GIT2: variants seen among roughly 807,000 people sequenced by gnomAD.
The protein encoded by GIT2 is GIT ArfGAP 2, also known as ARF GTPase-activating protein GIT2.
GIT2 carries 32 observed loss-of-function variants against 100.3 expected under a neutral mutation model. The ratio of observed to expected loss-of-function variants is 0.32; its 90% CI spans 0.24 to 0.43. The LOEUF (loss-of-function observed/expected upper bound fraction) is 0.43. GIT2 is among the 20% of genes least tolerant of loss of function. The pLI is 1.00. For missense variants in GIT2, 737 were observed against 975.1 expected (o/e 0.76, Z 3.25); for synonymous variants, 353 against 364.1 (o/e 0.97, Z 0.35).
intron 7 of GIT2, among the ~76,000 whole-genome samples, chr12:109,979,272 CTTTTT>C (rs11338613): frequency 3.5e-5 from 3 of 85,792 alleles, no homozygotes; most frequent in African/African-American, 4.6e-5. Flanking sequence ...CAGAAAAAGG[CTTTTT>C]TTTTTTTTTT....
At position 109,938,259 on chromosome 12, in the gene GIT2, T is replaced by C. The variant is rs1873606112; in HGVS notation, c.2003+121A>G. ...TTGTTCTTAAGCCTGTTATGTAGACTTGTTTTCAATGACCTTGAAGTCAGC... is the reference window on the plus strand; with the variant it reads ...TTGTTCTTAAGCCTGTTATGTAGACCTGTTTTCAATGACCTTGAAGTCAGC... On this transcript the variant is annotated intron_variant, in intron 18 of 19. Coordinates refer to ENST00000355312, the MANE Select transcript of GIT2 (RefSeq NM_057169.5). The C allele has an allele frequency of 5.9e-6, 4 of 675,268 alleles. No individual in the cohort carries two copies. The Admixed American group carries it at 1.1e-4, about 18-fold the overall frequency. 41.8% of individuals were successfully genotyped at this position (675,268 alleles called of 1,614,324 possible).
chr12:109,965,704 C>G, intron 8 of GIT2, 127 bp from the exon 9 acceptor site: 1 of 788,062 alleles, frequency 1.3e-6, no homozygotes, highest in South Asian at 1.4e-5. Context: ...ACCAAGCATT[C>G]TACAGCCCAG....
At chr12:109,996,067 G>T (rs1889356613) in intron 1 of GIT2, 106 bp downstream of exon 1, 2 of 721,638 alleles carry the variant, frequency 2.8e-6, no homozygotes, top group Admixed American at 7.4e-5. Flanking sequence ...GGACCTCTTC[G>T]TTGCGACCCT....
intron 1 of GIT2, among the ~76,000 whole-genome samples, chr12:109,995,399 T>C (rs1889154777): frequency 6.6e-6 from 1 of 152,222 alleles, no homozygotes; most frequent in African/African-American, 2.4e-5. Flanking sequence ...AGTTCTACTG[T>C]AGACAGCATA....
rs1424458558 is a variant in GIT2, at chr12:109,947,876, A to G, written c.1393-372T>C. 5.5e-6 allele frequency: 1 copy of G among 181,236 alleles called. No homozygotes were observed. Among genetic ancestry groups the G allele is most frequent in the African/African-American group, 2.4e-5 (1 of 42,014 alleles). 11.2% of individuals were successfully genotyped at this position (181,236 alleles called of 1,614,324 possible). A position where few individuals can be genotyped will look rare whatever the true frequency, so the allele number is the denominator to read the frequency against. Reference sequence around the variant, plus strand: ...TTCAAGCAAGAGTTCGAGATCATTAAAACATCATTTAGGTAACTTGCTTTT... The same window carrying G: ...TTCAAGCAAGAGTTCGAGATCATTAGAACATCATTTAGGTAACTTGCTTTT... On this transcript the variant is annotated intron_variant, in intron 14 of 19. Coordinates refer to ENST00000355312, the MANE Select transcript of GIT2 (RefSeq NM_057169.5). The surrounding 1 kb of genome is among the most constrained non-coding windows in gnomAD (Gnocchi z 4.3).
chr12:109,999,799 G>A, upstream of GIT2: 1 of 1,525,458 alleles, frequency 6.6e-7, no homozygotes, highest in African/African-American at 1.4e-5. This position sits in a 1 kb window ranked among gnomAD's most constrained non-coding sequence, Gnocchi z 4.3. Context: ...GGGGCGGGGC[G>A]GGGGTCCGTC....
intron 16 of GIT2, among the ~76,000 whole-genome samples, chr12:109,942,486 G>A (rs1308912626): frequency 6.6e-6 from 1 of 151,834 alleles, no homozygotes; most frequent in East Asian, 1.9e-4. Flanking sequence ...GGCACCCACC[G>A]CCACACCTGG....
chr12:109,939,700 A>AATAT (rs2136173222), intron 16 of GIT2: 1 of 147,012 alleles, frequency 6.8e-6, no homozygotes, highest in East Asian at 2.0e-4. Context: ...TAAATAAATA[A>AATAT]ATAAATAAAT....
In GIT2 at chr12:109,947,203, G is replaced by C. The variant is rs1876580086; in HGVS notation, c.1641+53C>G. ...ACCTGTAGGTTCAGAAGAGGGAACA[G>C]AGTAGACAGGCTGCATAGAGTGAAC... is the stretch of plus-strand genomic sequence containing the variant. On this transcript the variant is annotated intron_variant, in intron 15 of 19. Transcript: ENST00000355312. This position sits in a 1 kb window ranked among gnomAD's most constrained non-coding sequence, Gnocchi z 4.3. The C allele has an allele frequency of 6.4e-7, 1 of 1,560,346 alleles. No individual in the cohort carries two copies. Among genetic ancestry groups the C allele is most frequent in the East Asian group, 2.2e-5 (1 of 44,446 alleles).
intron 13 of GIT2, among the ~76,000 whole-genome samples, 170 bp from the exon 14 acceptor site, chr12:109,951,486 T>C (rs1160423829): frequency 6.6e-6 from 1 of 152,234 alleles, no homozygotes; most frequent in African/African-American, 2.4e-5. Context: ...AGGGTCACTA[T>C]ACTATTTAAA....
Position 109,953,159 on chromosome 12 carries a change from T to C in GIT2, c.1175A>G (p.Tyr392Cys), listed in dbSNP as rs1878400853. The C allele has an allele frequency of 6.2e-7, 1 of 1,614,096 alleles. No individual in the cohort carries two copies. The highest frequency in any genetic ancestry group is 8.5e-7 in the Non-Finnish European group (1 of 1,179,922). ...VESQDNDQPD[Y>C]DSVASDEDTD... Reference sequence around the variant, plus strand: ...GTCTTCGTCTGATGCCACGCTGTCATAGTCGGGCTGATCGTTGTCTTGACT... The same window carrying C: ...GTCTTCGTCTGATGCCACGCTGTCACAGTCGGGCTGATCGTTGTCTTGACT... The change falls in exon 13 of 20, where the codon TAT becomes TGT. Residue 392 changes from tyrosine to cysteine, a missense_variant. Physicochemically the swap from Tyr to Cys is radical, Grantham distance 194 (BLOSUM62 -2). Around this residue, in one of 3 missense-constraint regions of GIT2, gnomAD observed 451 missense variants for 543.7 expected, o/e 0.83. Coordinates refer to ENST00000355312, the MANE Select transcript of GIT2 (RefSeq NM_057169.5).
chr12:109,991,067 C>T (rs535391344), intron 2 of GIT2, among the ~76,000 whole-genome samples: 2 of 152,222 alleles, frequency 1.3e-5, no homozygotes, highest in East Asian at 1.9e-4. Context: ...CCCAGCACTT[C>T]GAGAGAGGTT....
intron 9 of GIT2, among the ~76,000 whole-genome samples, chr12:109,964,117 G>A (rs7133072): frequency 0.07 from 10,718 of 152,134 alleles, 626 homozygotes; most frequent in African/African-American, 0.15. Flanking sequence ...ATCTAGGTTT[G>A]AATTATTTAT....
intron 8 of GIT2, 132 bp from the exon 9 acceptor site, chr12:109,965,709 G>A: frequency 1.3e-6 from 1 of 777,616 alleles, no homozygotes; most frequent in Non-Finnish European, 2.3e-6. Flanking sequence ...GCATTCTACA[G>A]CCCAGTAGAG....
intron 13 of GIT2, chr12:109,952,708 G>A (rs1268083377): frequency 2.0e-6 from 1 of 492,124 alleles, no homozygotes; most frequent in African/African-American, 1.9e-5. Context: ...TTCTCTCTCT[G>A]CTCACTCCCT....
chr12:109,961,896 CACAG>C (rs1175254147), intron 9 of GIT2, among the ~76,000 whole-genome samples: 2 of 152,150 alleles, frequency 1.3e-5, no homozygotes, highest in African/African-American at 2.4e-5. Flanking sequence ...TACTTTATGA[CACAG>C]ACAGAGCTGC....
intron 16 of GIT2, among the ~76,000 whole-genome samples, chr12:109,944,966 G>A (rs1039864232): frequency 3.3e-5 from 5 of 152,086 alleles, no homozygotes; most frequent in African/African-American, 4.8e-5. Flanking sequence ...TAATTTTCTC[G>A]TTGTTTAAAA....
intron 7 of GIT2, among the ~76,000 whole-genome samples, chr12:109,978,764 T>G (rs1464501058): frequency 6.6e-6 from 1 of 152,252 alleles, no homozygotes; most frequent in Non-Finnish European, 1.5e-5. Context: ...GAATGTTTGC[T>G]TTTACTTCTT....
Position 109,930,547 on chromosome 12 carries a change from A to G in GIT2, c.*2431T>C, listed in dbSNP as rs900788154. The G allele has an allele frequency of 1.3e-5, 2 of 152,244 alleles. No individual in the cohort carries two copies. Among genetic ancestry groups the G allele is most frequent in the African/African-American group, 4.8e-5 (2 of 41,462 alleles). The allele number at this position is 152,244 out of a possible 1,614,324, so 9.4% of individuals were successfully genotyped here. A position where few individuals can be genotyped will look rare whatever the true frequency, so the allele number is the denominator to read the frequency against. ...GAGGCCAAGGAAATGCGCGGGGCAC[A>G]TACAGAGAGGACGACCTGCAGCCCT... On this transcript the variant is annotated 3_prime_UTR_variant, in exon 20 of 20. Coordinates refer to ENST00000355312, the MANE Select transcript of GIT2 (RefSeq NM_057169.5).
Sources: allele counts gnomAD v4.1 joint callset (sites outside exome capture counted in the v4.1 genomes callset), GRCh38; gene constraint gnomAD v4.1.1; regional missense constraint gnomAD v4.1.1; non-coding constraint Gnocchi (gnomAD v3.1); transcripts MANE v1.5; gene names NCBI Gene and HGNC (gene_info 2026-07-23, HGNC 2026-07-21).